Variants in FILIP1 observed in about 807,000 individuals in gnomAD.
The protein encoded by FILIP1 is filamin A interacting protein 1.
In FILIP1, 61 loss-of-function variants were observed where a neutral mutation model predicts 102.1. The ratio of observed to expected loss-of-function variants is 0.60; its 90% confidence interval spans 0.49 to 0.74. FILIP1 has a LOEUF of 0.74. Among genes scored for constraint, FILIP1 ranks in the 30% least tolerant of loss-of-function variants. The pLI, the probability that FILIP1 is intolerant of heterozygous loss-of-function variation, is 0.00. For missense variants in FILIP1, 1,314 were observed against 1,441.2 expected (o/e 0.91, Z 1.43); for synonymous variants, 491 against 526.9 (o/e 0.93, Z 0.93).
At chr6:75,436,940 T>G (rs1778045810) in intron 1 of FILIP1, among the ~76,000 whole-genome samples, 1 of 152,148 alleles carries the variant, frequency 6.6e-6, no homozygotes, top group South Asian at 2.1e-4. Flanking sequence ...AACGCAGAGT[T>G]GAGAAGAGAT....
At chr6:75,311,349 C>CTTTT (rs35389881) in intron 5 of FILIP1, among the ~76,000 whole-genome samples, 5 of 139,478 alleles carry the variant, frequency 3.6e-5, no homozygotes, top group Non-Finnish European at 6.2e-5. Context: ...CACCCAGCTA[C>CTTTT]TTTTTTTTTT....
At chr6:75,452,269 C>G (rs1473403896) in intron 1 of FILIP1, among the ~76,000 whole-genome samples, 1 of 152,044 alleles carries the variant, frequency 6.6e-6, no homozygotes, top group Non-Finnish European at 1.5e-5. Flanking sequence ...TGCCCCCACC[C>G]CACAACAGTC....
intron 6 of FILIP1, among the ~76,000 whole-genome samples, chr6:75,301,146 T>C (rs1403826607): frequency 6.6e-6 from 1 of 152,190 alleles, no homozygotes; most frequent in African/African-American, 2.4e-5. Flanking sequence ...AATAACATTA[T>C]GTGTGAAAAC....
At chr6:75,372,765 A>G (rs532022782) in intron 2 of FILIP1, among the ~76,000 whole-genome samples, 869 of 29,234 alleles carry the variant, frequency 0.03, 140 homozygotes, top group African/African-American at 0.08. Context: ...AAAGAAAGAA[A>G]GAAAGAAAGA....
chr6:75,431,320 G>GA (rs1212687302), intron 1 of FILIP1, among the ~76,000 whole-genome samples: 1 of 152,130 alleles, frequency 6.6e-6, no homozygotes, highest in Admixed American at 6.5e-5. Context: ...GTAGGCATGA[G>GA]AAAAAATATT....
chr6:75,480,844 T>C (rs952324024), intron 1 of FILIP1, among the ~76,000 whole-genome samples: 1 of 152,224 alleles, frequency 6.6e-6, no homozygotes, highest in Non-Finnish European at 1.5e-5. Context: ...TTAACTGTGA[T>C]GAGCATATGT....
At chr6:75,483,745 G>A (rs932801363) in intron 1 of FILIP1, among the ~76,000 whole-genome samples, 1 of 152,134 alleles carries the variant, frequency 6.6e-6, no homozygotes, top group Non-Finnish European at 1.5e-5. Flanking sequence ...ATGCTGAAAT[G>A]AGGGAGCAGC....
intron 4 of FILIP1, 77 bp downstream of exon 4, chr6:75,353,462 C>A: frequency 6.6e-7 from 1 of 1,513,764 alleles, no homozygotes; most frequent in Non-Finnish European, 9.0e-7. Flanking sequence ...GGCTGAAAGA[C>A]TGATCCCTGA....
intron 4 of FILIP1, among the ~76,000 whole-genome samples, chr6:75,346,454 T>A (rs1774588230): frequency 6.6e-6 from 1 of 152,192 alleles, no homozygotes; most frequent in Non-Finnish European, 1.5e-5. Flanking sequence ...AGCATTTTTG[T>A]ATAGGTGGAA....
At position 75,414,750 on chromosome 6, in the gene FILIP1, A is replaced by C; in HGVS notation, c.223T>G (p.Leu75Val). Residue 75 changes from leucine to valine, a missense_variant, in exon 2 of 6, where the codon TTA becomes GTA. This residue lies in a region of FILIP1 where 494 missense variants were observed against 511.2 expected (regional missense o/e 0.97). Transcript: ENST00000237172. ...AGTTGGATGAGGTCTTCTTTGGATA[A>C]CTCCAGGGATTTCTTAGTTTTTCGT... ...CERKTKKSLE[L>V]SKEDLIQLLS... 6.2e-7 allele frequency: 1 copy of C among 1,613,566 alleles called. No individual in the cohort carries two copies. The highest frequency in any genetic ancestry group is 1.1e-5 in the South Asian group (1 of 91,056).
intron 2 of FILIP1, among the ~76,000 whole-genome samples, chr6:75,378,687 G>T (rs1404869342): frequency 6.6e-6 from 1 of 152,008 alleles, no homozygotes; most frequent in Non-Finnish European, 1.5e-5. Context: ...AAAACTGATG[G>T]CATTTTCACT....
intron 4 of FILIP1, among the ~76,000 whole-genome samples, chr6:75,332,722 A>G (rs1032353356): frequency 1.3e-5 from 2 of 152,218 alleles, no homozygotes; most frequent in Admixed American, 6.5e-5. Flanking sequence ...AGGGTCTCCC[A>G]TGTGTGAGGG....
intron 2 of FILIP1, among the ~76,000 whole-genome samples, chr6:75,401,577 C>A (rs1477189926): frequency 6.6e-6 from 1 of 152,020 alleles, no homozygotes; most frequent in African/African-American, 2.4e-5. Flanking sequence ...AAATTTAGTT[C>A]CTCAGTCTTA....
chr6:75,454,480 A>T (rs917750767), intron 1 of FILIP1, among the ~76,000 whole-genome samples: 2 of 152,194 alleles, frequency 1.3e-5, no homozygotes, highest in Non-Finnish European at 2.9e-5. Context: ...CCCTAGTCAC[A>T]TCTACAAAGT....
intron 2 of FILIP1, among the ~76,000 whole-genome samples, chr6:75,390,994 T>C (rs1380137093): frequency 2.6e-5 from 4 of 152,146 alleles, no homozygotes; most frequent in African/African-American, 9.7e-5. Flanking sequence ...TGTATGGTCA[T>C]ACCCTAGTTT....
chr6:75,393,131 G>T (rs975348464), intron 2 of FILIP1, among the ~76,000 whole-genome samples: 1 of 152,100 alleles, frequency 6.6e-6, no homozygotes. Context: ...CAGAAACAGG[G>T]AAGTAAATAA....
At chr6:75,344,561 G>A (rs1774516655) in intron 4 of FILIP1, among the ~76,000 whole-genome samples, 1 of 152,314 alleles carries the variant, frequency 6.6e-6, no homozygotes, top group African/African-American at 2.4e-5. Flanking sequence ...GGCCTCTTCA[G>A]TCTAGCAGTT....
intron 1 of FILIP1, among the ~76,000 whole-genome samples, chr6:75,457,177 G>GC (rs1261550748): frequency 6.6e-6 from 1 of 152,182 alleles, no homozygotes; most frequent in Non-Finnish European, 1.5e-5. Context: ...CATGAAGACA[G>GC]CAAGTACCAG....
intron 2 of FILIP1, among the ~76,000 whole-genome samples, chr6:75,406,779 C>T (rs1253141687): frequency 6.6e-6 from 1 of 151,586 alleles, no homozygotes; most frequent in African/African-American, 2.4e-5. Context: ...CCTGCCTCAG[C>T]CTCCTGAGTA....
Sources: gnomAD v4.1 joint callset for allele counts (sites outside exome capture counted in the v4.1 genomes callset) on GRCh38, gnomAD v4.1.1 for gene constraint, gnomAD v4.1.1 regional missense constraint, MANE v1.5 for transcripts, NCBI Gene and HGNC (gene_info 2026-07-23, HGNC 2026-07-21) for gene names.